Variants in TMEM178A observed in about 807,000 individuals in gnomAD.
The protein encoded by TMEM178A is transmembrane protein 178.
TMEM178A carries 12 observed loss-of-function variants against 29.1 expected under a neutral mutation model. That is an observed-to-expected ratio of 0.41 (90% confidence interval 0.26 to 0.67). The LOEUF (loss-of-function observed/expected upper bound fraction) is 0.67, where lower values mean the gene tolerates loss of function less well. Ranked by LOEUF, TMEM178A falls within the 30% of genes least tolerant of loss-of-function variation. TMEM178A has a pLI of 0.29. For synonymous variants in TMEM178A, 210 were observed against 187.2 expected (o/e 1.12, Z -0.99); for missense variants, 366 against 419.1 (o/e 0.87, Z 1.11).
chr2:39,733,181 C>T, the TMEM178A span, among the ~76,000 whole-genome samples: 1 of 152,208 alleles, frequency 6.6e-6, no homozygotes, highest in African/African-American at 2.4e-5. Context: ...CAGTCTACCA[C>T]CACCACATCC....
intron 1 of TMEM178A, among the ~76,000 whole-genome samples, chr2:39,697,084 C>T (rs1671575720): frequency 6.6e-6 from 1 of 152,276 alleles, no homozygotes; most frequent in African/African-American, 2.4e-5. Context: ...GAATCTAATG[C>T]CTCCTTGTGG....
chr2:39,710,988 T>C (rs563772168), intron 3 of TMEM178A, among the ~76,000 whole-genome samples: 1 of 152,378 alleles, frequency 6.6e-6, no homozygotes, highest in African/African-American at 2.4e-5. Flanking sequence ...TGACTGTCGA[T>C]GCACATCTGG....
rs1332397099 is a variant in TMEM178A, at chr2:39,681,089, T to G, written c.400+14715T>G. Among the ~76,000 whole-genome samples, 3 of 152,194 alleles carry G rather than the reference T, an allele frequency of 2.0e-5. No individual in the cohort carries two copies. In the East Asian group the frequency reaches 5.8e-4, roughly 29 times the overall value. On this transcript the variant is annotated intron_variant, in intron 1 of 3. Coordinates refer to ENST00000281961, the MANE Select transcript of TMEM178A (RefSeq NM_152390.3). ...TTATTCAAAGCCCTACTCAAGAAATTTGAACATGACATGACTTTCTGTGAC... is the reference window on the plus strand; with the variant it reads ...TTATTCAAAGCCCTACTCAAGAAATGTGAACATGACATGACTTTCTGTGAC...
chr2:39,668,820 G>A (rs1031970730), intron 1 of TMEM178A, among the ~76,000 whole-genome samples: 1 of 152,184 alleles, frequency 6.6e-6, no homozygotes, highest in African/African-American at 2.4e-5. Context: ...TGGGTGACAA[G>A]AGCAGCTTTA....
At chr2:39,718,494 C>T (rs1672631339), downstream of TMEM178A, among the ~76,000 whole-genome samples, 1 of 152,336 alleles carries the variant, frequency 6.6e-6, no homozygotes, top group Admixed American at 6.5e-5. Flanking sequence ...TTGAGAGCCA[C>T]TCATTTGGGC....
chr2:39,716,943 G>T, intron 3 of TMEM178A, 67 bp from the exon 4 acceptor site: 1 of 1,546,620 alleles, frequency 6.5e-7, no homozygotes, highest in Non-Finnish European at 8.8e-7. Context: ...ATAAAGGCCT[G>T]TCTGGCATTT....
At chr2:39,726,874 T>C in the TMEM178A span, among the ~76,000 whole-genome samples, 1 of 152,168 alleles carries the variant, frequency 6.6e-6, no homozygotes, top group African/African-American at 2.4e-5. Flanking sequence ...AGTTTCTCAC[T>C]GAAGAAACTT....
At chr2:39,691,102 A>G (rs1341002448) in intron 1 of TMEM178A, among the ~76,000 whole-genome samples, 1 of 152,228 alleles carries the variant, frequency 6.6e-6, no homozygotes, top group African/African-American at 2.4e-5. Context: ...ATAGTATCAG[A>G]CAAAATTCCA....
chr2:39,690,093 A>G (rs563587782), intron 1 of TMEM178A, among the ~76,000 whole-genome samples: 1 of 152,314 alleles, frequency 6.6e-6, no homozygotes, highest in South Asian at 2.1e-4. Context: ...GGGGATTGGC[A>G]TGTTTGAATA....
chr2:39,673,081 T>A (rs1670471061), intron 1 of TMEM178A, among the ~76,000 whole-genome samples: 1 of 152,332 alleles, frequency 6.6e-6, no homozygotes, highest in African/African-American at 2.4e-5. Flanking sequence ...ACAGATTATA[T>A]AATCACAGAT....
At chr2:39,716,573 T>C (rs1672546507) in intron 3 of TMEM178A, among the ~76,000 whole-genome samples, 1 of 152,178 alleles carries the variant, frequency 6.6e-6, no homozygotes, top group Admixed American at 6.5e-5. Context: ...AAAGCAGATG[T>C]TGTATAACGA....
chr2:39,713,109 T>C (rs1166984046), intron 3 of TMEM178A, among the ~76,000 whole-genome samples: 1 of 152,170 alleles, frequency 6.6e-6, no homozygotes, highest in African/African-American at 2.4e-5. Context: ...TTTCCTGAGA[T>C]GCACGGAGGA....
At chr2:39,667,923 G>C (rs896734753) in intron 1 of TMEM178A, among the ~76,000 whole-genome samples, 7 of 152,240 alleles carry the variant, frequency 4.6e-5, no homozygotes, top group Non-Finnish European at 1.0e-4. Flanking sequence ...CAGTTATGGA[G>C]TGCTCATTTA....
chr2:39,732,704 C>T, the TMEM178A span, among the ~76,000 whole-genome samples: 2 of 152,196 alleles, frequency 1.3e-5, no homozygotes, highest in Non-Finnish European at 2.9e-5. Flanking sequence ...GCTTCACACA[C>T]CCTCCAGGTC....
the TMEM178A span, among the ~76,000 whole-genome samples, chr2:39,734,566 C>T: frequency 2.6e-5 from 4 of 152,224 alleles, no homozygotes; most frequent in African/African-American, 9.6e-5. Flanking sequence ...TGCAGACTCA[C>T]ATATTCAATT....
intron 1 of TMEM178A, 26 bp downstream of exon 1, chr2:39,666,400 C>T (rs1163023855): frequency 7.6e-7 from 1 of 1,316,496 alleles, no homozygotes. Context: ...ACCCCGCGTC[C>T]CCGGCGCCCG....
At chr2:39,675,589 C>T (rs992770854) in intron 1 of TMEM178A, among the ~76,000 whole-genome samples, 1 of 152,062 alleles carries the variant, frequency 6.6e-6, no homozygotes, top group African/African-American at 2.4e-5. Flanking sequence ...TAATAGGCCC[C>T]AGATTGTAAT....
chr2:39,707,504 C>T (rs539025255), intron 3 of TMEM178A, among the ~76,000 whole-genome samples: 1 of 152,254 alleles, frequency 6.6e-6, no homozygotes, highest in East Asian at 1.9e-4. Context: ...TGGAGTCTCA[C>T]TCTGTCACCC....
chr2:39,672,588 C>A (rs574031856), intron 1 of TMEM178A, among the ~76,000 whole-genome samples: 1 of 152,006 alleles, frequency 6.6e-6, no homozygotes, highest in Non-Finnish European at 1.5e-5. Flanking sequence ...CTGAGTGGCA[C>A]GATCATAGCT....
Sources: allele counts gnomAD v4.1 joint callset (sites outside exome capture counted in the v4.1 genomes callset), GRCh38; gene constraint gnomAD v4.1.1; transcripts MANE v1.5; gene names NCBI Gene and HGNC (gene_info 2026-07-23, HGNC 2026-07-21).